TM2D1: variants seen among roughly 807,000 people sequenced by gnomAD.
TM2D1 encodes the protein TM2 domain containing 1.
Under a neutral mutation model 28.4 loss-of-function variants are expected in TM2D1, and 15 were observed. That is an observed-to-expected ratio of 0.53 (90% CI 0.35 to 0.81). The LOEUF is 0.81. TM2D1 is among the 40% of genes least tolerant of loss of function. The probability of loss-of-function intolerance (pLI) is 0.01; values close to 1 mark genes in which losing one functional copy is unlikely to be tolerated. For missense variants in TM2D1, 236 were observed against 254.9 expected, an observed-to-expected ratio of 0.93 and a Z score of 0.50; for synonymous variants, 93 against 96.2, an observed-to-expected ratio of 0.97 and a Z score of 0.20.
chr1:61,696,893 C>T (rs951616143), intron 4 of TM2D1, among the ~76,000 whole-genome samples: 7 of 151,332 alleles, frequency 4.6e-5, no homozygotes, highest in Non-Finnish European at 7.4e-5. Context: ...CAAAATGCTT[C>T]GATTACAGGC....
intron 5 of TM2D1, among the ~76,000 whole-genome samples, chr1:61,690,480 A>C (rs1456125508): frequency 2.1e-5 from 3 of 141,048 alleles, no homozygotes; most frequent in East Asian, 2.0e-4. Context: ...AAAAAAAAAA[A>C]ACACAAAACA....
At chr1:61,710,499 CACAT>C (rs1448173925) in intron 2 of TM2D1, among the ~76,000 whole-genome samples, 97 of 95,660 alleles carry the variant, frequency 1.0e-3, no homozygotes, top group African/African-American at 3.7e-3. Flanking sequence ...CACATATACA[CACAT>C]ACACACACAC....
intron 5 of TM2D1, among the ~76,000 whole-genome samples, chr1:61,686,520 A>G (rs1429040152): frequency 6.6e-6 from 1 of 152,010 alleles, no homozygotes; most frequent in East Asian, 1.9e-4. Context: ...AGAATTAGTC[A>G]GGCACGGTGG....
chr1:61,711,279 G>A (rs1364754771), intron 2 of TM2D1, among the ~76,000 whole-genome samples: 2 of 149,388 alleles, frequency 1.3e-5, no homozygotes, highest in African/African-American at 2.5e-5. Context: ...GCAGTGAGCC[G>A]AGATCGCACC....
At chr1:61,706,894 A>C (rs1259713724) in intron 3 of TM2D1, among the ~76,000 whole-genome samples, 1 of 140,920 alleles carries the variant, frequency 7.1e-6, no homozygotes, top group Non-Finnish European at 1.6e-5. Flanking sequence ...GAAGGGAATA[A>C]GCTGGCCAGT....
chr1:61,691,932 A>AAAAAATATAT, intron 5 of TM2D1, among the ~76,000 whole-genome samples: 6 of 76,398 alleles, frequency 7.9e-5, no homozygotes, highest in East Asian at 9.5e-4. Flanking sequence ...AAAAAAAAAA[A>AAAAAATATAT]ATATATATAT....
intron 6 of TM2D1, among the ~76,000 whole-genome samples, chr1:61,681,852 T>C (rs564803400): frequency 6.6e-6 from 1 of 152,326 alleles, no homozygotes; most frequent in South Asian, 2.1e-4. Flanking sequence ...ATGGAAGACC[T>C]AGATTCTAGT....
At chr1:61,699,955 C>T in intron 4 of TM2D1, 1 of 487,972 alleles carries the variant, frequency 2.0e-6, no homozygotes, top group Non-Finnish European at 3.2e-6. Context: ...ACTTCTCTTT[C>T]ATCTTTTGTG....
At position 61,718,735 on chromosome 1, in the gene TM2D1, G is replaced by A. The variant is rs940259171; in HGVS notation, c.238+4978C>T. Among the ~76,000 whole-genome samples, 3 of 152,206 alleles carry A rather than the reference G, an allele frequency of 2.0e-5. No individual in the cohort carries two copies. The East Asian group carries it at 5.8e-4, about 29-fold the overall frequency. ...ATTATGTTACTTTACAGCGTGGAAT[G>A]TATATCCTAAGTCTAATCATAAGGA... On this transcript the variant is annotated intron_variant, in intron 2 of 6. Coordinates refer to ENST00000606498, the MANE Select transcript of TM2D1 (RefSeq NM_032027.3).
chr1:61,704,410 G>GT (rs1644426238), intron 3 of TM2D1, among the ~76,000 whole-genome samples: 2 of 151,892 alleles, frequency 1.3e-5, no homozygotes, highest in African/African-American at 4.8e-5. Context: ...AAAAAAGAAA[G>GT]TTTTTTTGGT....
chr1:61,721,529 G>A (rs2148070733), intron 2 of TM2D1, among the ~76,000 whole-genome samples: 1 of 132,440 alleles, frequency 7.6e-6, no homozygotes, highest in Non-Finnish European at 1.6e-5. Context: ...GCGACAGAGT[G>A]AGACTCTGTC....
intron 2 of TM2D1, among the ~76,000 whole-genome samples, chr1:61,714,862 T>G (rs1644505313): frequency 6.6e-6 from 1 of 152,198 alleles, no homozygotes; most frequent in Admixed American, 6.5e-5. Context: ...ATTTTTCAAC[T>G]AGATAGTACC....
chr1:61,700,049 C>A, intron 4 of TM2D1: 1 of 1,303,380 alleles, frequency 7.7e-7, no homozygotes, highest in Non-Finnish European at 9.9e-7. Flanking sequence ...CAGTGAAGGG[C>A]TAATATAGAA....
intron 4 of TM2D1, among the ~76,000 whole-genome samples, chr1:61,697,231 T>C (rs1208184642): frequency 6.6e-6 from 1 of 151,126 alleles, no homozygotes; most frequent in Non-Finnish European, 1.5e-5. Context: ...TGTAAGTCAC[T>C]GTAATGATTA....
At chr1:61,683,631 A>G in intron 5 of TM2D1, 85 bp from the exon 6 acceptor site, 2 of 712,394 alleles carry the variant, frequency 2.8e-6, no homozygotes, top group Non-Finnish European at 4.5e-6. Context: ...TGTTAATAAA[A>G]GTATTTCAGA....
chr1:61,692,606 T>C (rs1644336318), intron 5 of TM2D1, among the ~76,000 whole-genome samples: 1 of 151,894 alleles, frequency 6.6e-6, no homozygotes, highest in Non-Finnish European at 1.5e-5. Flanking sequence ...AACAAAAAGA[T>C]GAGCCAGGGC....
intron 2 of TM2D1, among the ~76,000 whole-genome samples, chr1:61,716,530 T>C (rs1210622867): frequency 2.8e-5 from 4 of 142,090 alleles, no homozygotes; most frequent in African/African-American, 8.1e-5. Flanking sequence ...TATAATTATA[T>C]ATGTGTATAA....
chr1:61,708,791 T>C (rs1420181092), intron 3 of TM2D1, among the ~76,000 whole-genome samples: 1 of 152,058 alleles, frequency 6.6e-6, no homozygotes, highest in Non-Finnish European at 1.5e-5. Flanking sequence ...CACGAGGCCA[T>C]TTATAGTCTT....
At chr1:61,700,378 G>T (rs1644392611) in intron 4 of TM2D1, 1 of 1,280,506 alleles carries the variant, frequency 7.8e-7, no homozygotes, top group African/African-American at 1.5e-5. Context: ...ATCATAAAAT[G>T]TAAATAGTTT....
Sources: gnomAD v4.1 joint callset for allele counts (sites outside exome capture counted in the v4.1 genomes callset) on GRCh38, gnomAD v4.1.1 for gene constraint, MANE v1.5 for transcripts, NCBI Gene and HGNC (gene_info 2026-07-23, HGNC 2026-07-21) for gene names.